ADORA2B: variants seen among roughly 807,000 people sequenced by gnomAD.
ADORA2B encodes adenosine receptor A2b.
Under a neutral mutation model 20.8 loss-of-function variants are expected in ADORA2B, and 18 were observed. That is an observed-to-expected ratio of 0.87 (90% CI 0.60 to 1.29). The LOEUF (loss-of-function observed/expected upper bound fraction) is 1.29. Ranked by LOEUF, ADORA2B falls within the 50% of genes most tolerant of loss-of-function variation. ADORA2B has a pLI of 0.00. For missense variants in ADORA2B, 441 were observed against 422.7 expected (o/e 1.04, Z -0.38); for synonymous variants, 179 against 178.3 (o/e 1.00, Z -0.03).
At chr17:15,947,170 C>T (rs1384189399) in intron 1 of ADORA2B, among the ~76,000 whole-genome samples, 2 of 152,194 alleles carry the variant, frequency 1.3e-5, no homozygotes, top group Admixed American at 6.5e-5. Context: ...TTAGGGAGGA[C>T]AGCAGTTTCT....
At chr17:15,860,217 C>T in the ADORA2B span, among the ~76,000 whole-genome samples, 4 of 152,138 alleles carry the variant, frequency 2.6e-5, no homozygotes, top group African/African-American at 9.7e-5. Context: ...TCAGGGAGCT[C>T]GGCTCTTGAG....
upstream of ADORA2B, chr17:15,944,768 T>G (rs1264908699): frequency 6.6e-6 from 1 of 152,192 alleles, no homozygotes; most frequent in Admixed American, 6.5e-5. This position sits in a 1 kb window ranked among gnomAD's most constrained non-coding sequence, Gnocchi z 4.8. Flanking sequence ...CGCCCGGGGT[T>G]GCGCGGCCCT....
chr17:15,937,954 T>C, the ADORA2B span, among the ~76,000 whole-genome samples: 1 of 152,228 alleles, frequency 6.6e-6, no homozygotes, highest in East Asian at 1.9e-4. Flanking sequence ...TTCTTGTTAG[T>C]CCTGCCTGGT....
At chr17:15,860,522 A>T in the ADORA2B span, among the ~76,000 whole-genome samples, 6 of 152,000 alleles carry the variant, frequency 3.9e-5, no homozygotes, top group Non-Finnish European at 7.4e-5. Context: ...GGGGGCAGGT[A>T]ATGTCTTTCC....
rs1455184398 is a variant in ADORA2B, at chr17:15,945,344, G to A, written c.96G>A (p.Val32=). The part of the protein sequence containing the change: ...VAGNVLVCAA[V]GTANTLQTPT... ...GCAACGTGCTGGTGTGCGCCGCGGT[G>A]GGCACGGCGAACACTCTGCAGACGC... Residue 32 remains valine (V), a synonymous_variant, in exon 1 of 2, where the codon GTG becomes GTA. Transcript: ENST00000304222. The A allele has an allele frequency of 6.2e-7, 1 of 1,606,650 alleles. No homozygotes were observed. The highest frequency in any genetic ancestry group is 8.5e-7 in the Non-Finnish European group (1 of 1,178,582).
the ADORA2B span, among the ~76,000 whole-genome samples, chr17:15,910,293 A>G: frequency 6.6e-6 from 1 of 151,330 alleles, no homozygotes. Context: ...CCCAACACAA[A>G]TACGTAAACT....
At chr17:15,923,197 CTTTT>C in the ADORA2B span, among the ~76,000 whole-genome samples, 2 of 90,334 alleles carry the variant, frequency 2.2e-5, no homozygotes, top group African/African-American at 1.1e-4. Flanking sequence ...TAATTTCTTT[CTTTT>C]TTTAATTTTT....
At chr17:15,859,944 T>A in the ADORA2B span, among the ~76,000 whole-genome samples, 14,533 of 152,066 alleles carry the variant, frequency 0.096, 1,987 homozygotes, top group African/African-American at 0.3. Context: ...AAGAAAGAAG[T>A]AGTAAAAACT....
the ADORA2B span, among the ~76,000 whole-genome samples, chr17:15,923,695 C>T: frequency 6.6e-6 from 1 of 151,726 alleles, no homozygotes; most frequent in African/African-American, 2.4e-5. Context: ...CGTGAGCCAC[C>T]GCGCCCGGTC....
the ADORA2B span, among the ~76,000 whole-genome samples, chr17:15,857,613 A>G: frequency 6.6e-6 from 1 of 152,174 alleles, no homozygotes; most frequent in Admixed American, 6.5e-5. Flanking sequence ...ACCTGATGTG[A>G]GACATGGAGT....
At chr17:15,923,792 T>C in the ADORA2B span, among the ~76,000 whole-genome samples, 4 of 152,206 alleles carry the variant, frequency 2.6e-5, no homozygotes, top group Non-Finnish European at 4.4e-5. Context: ...TGATTTGAGA[T>C]GCAAATAGCT....
chr17:15,911,401 T>C, the ADORA2B span, among the ~76,000 whole-genome samples: 1 of 152,196 alleles, frequency 6.6e-6, no homozygotes, highest in Non-Finnish European at 1.5e-5. Flanking sequence ...GGGGAGGCAG[T>C]TGTGGTCTTG....
chr17:15,882,675 AC>A, the ADORA2B span, among the ~76,000 whole-genome samples: 2 of 152,086 alleles, frequency 1.3e-5, no homozygotes, highest in African/African-American at 4.8e-5. Flanking sequence ...GCCCATTTAC[AC>A]TTTTTTCCAT....
chr17:15,932,579 C>G, the ADORA2B span, among the ~76,000 whole-genome samples: 1 of 151,444 alleles, frequency 6.6e-6, no homozygotes, highest in Admixed American at 6.6e-5. Context: ...GTAGTTTTAG[C>G]TCTTACATTT....
Position 15,945,203 on chromosome 17 carries a change from C to T in ADORA2B, c.-46C>T, listed in dbSNP as rs1387118288. On this transcript the variant is annotated 5_prime_UTR_variant, in exon 1 of 2. Coordinates refer to ENST00000304222, the MANE Select transcript of ADORA2B (RefSeq NM_000676.4). Reference sequence around the variant, plus strand: ...GGGTCTCACGCGGCTGCCCCTCGCCCGGCGCGCCTTCGGTAGGGGGCGCCC... The same window carrying T: ...GGGTCTCACGCGGCTGCCCCTCGCCTGGCGCGCCTTCGGTAGGGGGCGCCC... 39 of 1,374,652 alleles carry T rather than the reference C, an allele frequency of 2.8e-5. No homozygotes were observed. The highest frequency in any genetic ancestry group is 3.5e-5 in the Non-Finnish European group (38 of 1,071,248). The allele number at this position is 1,374,652 out of a possible 1,614,324, so 85.2% of individuals were successfully genotyped here. A position where few individuals can be genotyped will look rare whatever the true frequency, so the allele number is the denominator to read the frequency against.
the ADORA2B span, among the ~76,000 whole-genome samples, chr17:15,927,691 T>C: frequency 6.6e-6 from 1 of 152,062 alleles, no homozygotes; most frequent in Non-Finnish European, 1.5e-5. Flanking sequence ...TAGCATGCCA[T>C]TGCAGTAGTT....
chr17:15,902,053 G>A, the ADORA2B span, among the ~76,000 whole-genome samples: 1 of 151,902 alleles, frequency 6.6e-6, no homozygotes, highest in Non-Finnish European at 1.5e-5. Flanking sequence ...TCAGCCCCTG[G>A]CAACCACCAT....
chr17:15,950,125 T>A (rs939334939), intron 1 of ADORA2B, among the ~76,000 whole-genome samples: 8 of 152,206 alleles, frequency 5.3e-5, no homozygotes, highest in African/African-American at 1.4e-4. Flanking sequence ...CTGTGGATCT[T>A]GAGAGAAGGA....
At chr17:15,893,285 A>G in the ADORA2B span, among the ~76,000 whole-genome samples, 1 of 152,216 alleles carries the variant, frequency 6.6e-6, no homozygotes, top group African/African-American at 2.4e-5. Flanking sequence ...AAATATCTCT[A>G]AGGTATTTAT....
Sources: allele counts gnomAD v4.1 joint callset (sites outside exome capture counted in the v4.1 genomes callset), GRCh38; gene constraint gnomAD v4.1.1; non-coding constraint Gnocchi (gnomAD v3.1); transcripts MANE v1.5; gene names NCBI Gene and HGNC (gene_info 2026-07-23, HGNC 2026-07-21).